Variants in KIAA0319L observed in about 807,000 individuals in gnomAD.
KIAA0319L encodes the protein dyslexia-associated protein KIAA0319-like protein.
A neutral mutation model predicts 120.1 loss-of-function variants in KIAA0319L; 55 were observed. That is an observed-to-expected ratio of 0.46 (90% CI 0.37 to 0.57). The LOEUF is 0.57. Among genes scored for constraint, KIAA0319L ranks in the 20% least tolerant of loss-of-function variants. The pLI is 0.00. For synonymous variants in KIAA0319L, 398 were observed against 471.9 expected, an observed-to-expected ratio of 0.84 and a Z score of 2.03; for missense variants, 1,049 against 1,255.3, an observed-to-expected ratio of 0.84 and a Z score of 2.48.
chr1:35,526,252 TTATA>T (rs1421818831), intron 2 of KIAA0319L, among the ~76,000 whole-genome samples: 1 of 148,712 alleles, frequency 6.7e-6, no homozygotes, highest in Non-Finnish European at 1.5e-5. Context: ...TACTAGAATT[TTATA>T]TACATATATA....
intron 2 of KIAA0319L, among the ~76,000 whole-genome samples, chr1:35,543,513 T>G (rs1319763858): frequency 6.6e-6 from 1 of 152,112 alleles, no homozygotes; most frequent in African/African-American, 2.4e-5. Flanking sequence ...CTCCTGAAAA[T>G]GCTTTTCCCC....
At chr1:35,493,443 C>T (rs928040881) in intron 3 of KIAA0319L, among the ~76,000 whole-genome samples, 2 of 151,926 alleles carry the variant, frequency 1.3e-5, no homozygotes, top group African/African-American at 4.8e-5. Context: ...TGTGCAAGAT[C>T]TGTACACTAG....
At chr1:35,549,729 T>A (rs1258145301) in intron 2 of KIAA0319L, among the ~76,000 whole-genome samples, 7 of 152,256 alleles carry the variant, frequency 4.6e-5, no homozygotes, top group Non-Finnish European at 2.9e-5. Flanking sequence ...GTCAATCTTG[T>A]TGGTCTCAAA....
chr1:35,450,874 C>A (rs1365977960), intron 13 of KIAA0319L, among the ~76,000 whole-genome samples: 2 of 152,224 alleles, frequency 1.3e-5, no homozygotes, highest in African/African-American at 4.8e-5. Context: ...TTTCACCTAG[C>A]TGATCTTGCA....
At chr1:35,474,301 T>G (rs1043396994) in intron 5 of KIAA0319L, among the ~76,000 whole-genome samples, 1 of 152,206 alleles carries the variant, frequency 6.6e-6, no homozygotes, top group East Asian at 1.9e-4. Flanking sequence ...GTAAATGACT[T>G]CTCTTAATTT....
At chr1:35,516,084 A>G (rs1645667257) in intron 2 of KIAA0319L, among the ~76,000 whole-genome samples, 1 of 152,168 alleles carries the variant, frequency 6.6e-6, no homozygotes. Context: ...AAAAAAGCCC[A>G]AGACCAGATG....
At chr1:35,538,671 G>A (rs926458186) in intron 2 of KIAA0319L, among the ~76,000 whole-genome samples, 13 of 151,000 alleles carry the variant, frequency 8.6e-5, no homozygotes, top group Admixed American at 8.6e-4. Context: ...CATATAAAGA[G>A]CCAGAGACCA....
chr1:35,496,663 G>A (rs1424776761), intron 3 of KIAA0319L, among the ~76,000 whole-genome samples: 1 of 152,146 alleles, frequency 6.6e-6, no homozygotes, highest in African/African-American at 2.4e-5. Flanking sequence ...GCTACTAGGT[G>A]CTGGGTACAG....
intron 4 of KIAA0319L, among the ~76,000 whole-genome samples, chr1:35,477,385 T>C (rs1366582551): frequency 2.0e-5 from 3 of 152,052 alleles, no homozygotes; most frequent in Non-Finnish European, 2.9e-5. Context: ...TACAATGAGA[T>C]GGCCGGGCGC....
chr1:35,444,150 G>C lies in KIAA0319L; in HGVS notation c.2656+11C>G. The stretch of plus-strand genomic sequence containing the variant: ...GTAGGCTCTTGCTCCCAAATTCCCA[G>C]AATTACTCACTGACAGTGTTGACTT... On this transcript the variant is annotated intron_variant, in intron 17 of 20. Transcript: ENST00000325722. The C allele has an allele frequency of 1.3e-6, 2 of 1,583,320 alleles. No individual in the cohort carries two copies. Among genetic ancestry groups the C allele is most frequent in the Non-Finnish European group, 1.7e-6 (2 of 1,164,452 alleles).
At chr1:35,520,098 C>T (rs934569686) in intron 2 of KIAA0319L, among the ~76,000 whole-genome samples, 2 of 146,310 alleles carry the variant, frequency 1.4e-5, no homozygotes, top group African/African-American at 2.8e-5. Flanking sequence ...CTTCTTTTTT[C>T]TTTTCTTTTC....
chr1:35,442,893 A>G lies in KIAA0319L; in HGVS notation c.2779+13T>C. 6.2e-7 allele frequency: 1 copy of G among 1,614,228 alleles called. No homozygotes were observed. ...GCCAAACAGGCTGGCACTGTGCCAC[A>G]TAGAAAACTCACCACAGTTGCTGTC... On this transcript the variant is annotated intron_variant, in intron 18 of 20. Transcript: ENST00000325722.
At chr1:35,450,540 G>A in intron 13 of KIAA0319L, 31 bp from the exon 14 acceptor site, 2 of 1,573,778 alleles carry the variant, frequency 1.3e-6, no homozygotes, top group Non-Finnish European at 1.7e-6. Flanking sequence ...GACATAATGT[G>A]ACATTCTGGA....
intron 13 of KIAA0319L, 65 bp from the exon 14 acceptor site, chr1:35,450,574 T>C (rs984224457): frequency 2.0e-6 from 3 of 1,474,442 alleles, no homozygotes; most frequent in East Asian, 4.6e-5. Context: ...TTCTTCATGA[T>C]GCTTATGGGG....
chr1:35,470,820 ACTC>A (rs772757937), intron 6 of KIAA0319L, 40 bp downstream of exon 6: 16 of 1,168,788 alleles, frequency 1.4e-5, no homozygotes, highest in Non-Finnish European at 1.9e-5. Context: ...AAAACAGTCA[ACTC>A]CTCTACCTTT....
At chr1:35,481,952 G>T (rs552492910) in intron 3 of KIAA0319L, among the ~76,000 whole-genome samples, 5 of 149,576 alleles carry the variant, frequency 3.3e-5, no homozygotes, top group Admixed American at 1.4e-4. Context: ...AGCCTCCTGA[G>T]TAGCTGGGAC....
chr1:35,441,400 T>G (rs1641205985), intron 19 of KIAA0319L, among the ~76,000 whole-genome samples: 2 of 152,166 alleles, frequency 1.3e-5, no homozygotes, highest in African/African-American at 2.4e-5. Context: ...ACAGATTGGT[T>G]AAAAACGTAA....
At chr1:35,499,619 A>G (rs1175955060) in intron 3 of KIAA0319L, among the ~76,000 whole-genome samples, 1 of 152,150 alleles carries the variant, frequency 6.6e-6, no homozygotes, top group Non-Finnish European at 1.5e-5. Context: ...ACGCAATTTC[A>G]AACTCACTGC....
At chr1:35,451,552 G>T in intron 13 of KIAA0319L, 76 bp downstream of exon 13, 1 of 1,431,642 alleles carries the variant, frequency 7.0e-7, no homozygotes, top group South Asian at 1.3e-5. Flanking sequence ...AATTTCTGCA[G>T]GCAAACATGA....
Sources: gnomAD v4.1 joint callset for allele counts (sites outside exome capture counted in the v4.1 genomes callset) on GRCh38, gnomAD v4.1.1 for gene constraint, MANE v1.5 for transcripts, NCBI Gene and HGNC (gene_info 2026-07-23, HGNC 2026-07-21) for gene names.